The following IPO11 variants were observed in gnomAD, a reference collection of about 807,000 sequenced individuals.
IPO11 encodes importin-11.
IPO11 carries 66 observed loss-of-function variants against 143.2 expected under a neutral mutation model. The observed-to-expected ratio is 0.46, with a 90% CI of 0.38 to 0.57. The LOEUF (loss-of-function observed/expected upper bound fraction) is 0.57. Among genes scored for constraint, IPO11 ranks in the 20% least tolerant of loss-of-function variants. The pLI, the probability that IPO11 is intolerant of heterozygous loss-of-function variation, is 0.00. For synonymous variants in IPO11, 385 were observed against 377.8 expected, an observed-to-expected ratio of 1.02 and a Z score of -0.22; for missense variants, 1,026 against 1,141.0, an observed-to-expected ratio of 0.90 and a Z score of 1.45.
In IPO11 at chr5:62,484,022, A is replaced by G; in HGVS notation, c.1034A>G (p.Glu345Gly). 6.2e-7 allele frequency: 1 copy of G among 1,603,626 alleles called. No individual in the cohort carries two copies. Among genetic ancestry groups the G allele is most frequent in the Non-Finnish European group, 8.5e-7 (1 of 1,176,882 alleles). The change falls in exon 11 of 30, where the codon GAA becomes GGA. Residue 345 changes from glutamate to glycine, a missense_variant. This residue lies in a region of IPO11 where 429 missense variants were observed against 456.3 expected (regional missense o/e 0.94). Transcript: ENST00000325324. Reference sequence around the variant, plus strand: ...TTCATTTTTCTAGATAGCAGCCCTGAAACTCTTGAAGCCCATAAGATTAAG... The same window carrying G: ...TTCATTTTTCTAGATAGCAGCCCTGGAACTCTTGAAGCCCATAAGATTAAG... ...PSKNFEDSSPETLEAHKIKMA... is the reference protein window; with the variant it reads ...PSKNFEDSSPGTLEAHKIKMA...
intron 27 of IPO11, among the ~76,000 whole-genome samples, chr5:62,589,964 C>G (rs1744951388): frequency 6.6e-6 from 1 of 152,178 alleles, no homozygotes; most frequent in Non-Finnish European, 1.5e-5. Flanking sequence ...AGTGGAAGCC[C>G]TCTGAAAGCA....
At position 62,504,655 on chromosome 5, in the gene IPO11, A is replaced by G; in HGVS notation, c.1591-12A>G. On this transcript the variant is annotated splice_polypyrimidine_tract_variant and intron_variant, in intron 16 of 29. Transcript: ENST00000325324. ...TAAAATAATTAAAAACTAATGATAT[A>G]CTTTCTTTTAGGTCCGTATTGAAAC... 1 of 1,416,410 alleles carries G rather than the reference A, an allele frequency of 7.1e-7. No individual in the cohort carries two copies. The highest frequency in any genetic ancestry group is 1.3e-5 in the South Asian group (1 of 77,204). 87.7% of individuals were successfully genotyped at this position (1,416,410 alleles called of 1,614,324 possible).
intron 24 of IPO11, among the ~76,000 whole-genome samples, chr5:62,537,998 T>C (rs1580299434): frequency 6.6e-6 from 1 of 152,246 alleles, no homozygotes. Flanking sequence ...GTTGTGCACA[T>C]GTACCCTGGA....
intron 4 of IPO11, among the ~76,000 whole-genome samples, chr5:62,451,055 T>A (rs1444752099): frequency 6.6e-6 from 1 of 152,202 alleles, no homozygotes; most frequent in African/African-American, 2.4e-5. Context: ...GGGTTTGTGT[T>A]ACTGAGCAGT....
At chr5:62,416,182 C>CTTTT (rs869236693) in intron 1 of IPO11, among the ~76,000 whole-genome samples, 2 of 123,508 alleles carry the variant, frequency 1.6e-5, no homozygotes, top group Non-Finnish European at 3.3e-5. Context: ...TTTTTCTTTT[C>CTTTT]TTTTTTTTTT....
intron 1 of IPO11, among the ~76,000 whole-genome samples, chr5:62,416,827 C>A (rs1335302169): frequency 6.6e-6 from 1 of 151,538 alleles, no homozygotes; most frequent in Non-Finnish European, 1.5e-5. Flanking sequence ...CAGGCTCAAG[C>A]GATCCCTCCA....
chr5:62,598,431 T>C (rs1745331316), intron 28 of IPO11, among the ~76,000 whole-genome samples: 6 of 1,990 alleles, frequency 3.0e-3, no homozygotes, highest in African/African-American at 5.3e-3. Flanking sequence ...TTTCTTTCTT[T>C]CTCTCTCTCT....
chr5:62,452,524 T>C (rs759832589), intron 5 of IPO11, among the ~76,000 whole-genome samples: 1 of 150,968 alleles, frequency 6.6e-6, no homozygotes, highest in Non-Finnish European at 1.5e-5. Flanking sequence ...TAGGTGGGCA[T>C]AGAGTTGACA....
chr5:62,600,323 G>A (rs564834704), intron 28 of IPO11, among the ~76,000 whole-genome samples: 6 of 152,314 alleles, frequency 3.9e-5, no homozygotes, highest in Non-Finnish European at 7.3e-5. Context: ...TGGGATTACA[G>A]GTGTATGCCA....
chr5:62,419,450 C>T (rs766807063), intron 1 of IPO11, among the ~76,000 whole-genome samples: 1 of 152,132 alleles, frequency 6.6e-6, no homozygotes, highest in African/African-American at 2.4e-5. Context: ...TGTAGTTCTA[C>T]GTTGTTTAAA....
At chr5:62,417,947 T>TC (rs1214707309) in intron 1 of IPO11, among the ~76,000 whole-genome samples, 3 of 152,106 alleles carry the variant, frequency 2.0e-5, no homozygotes, top group African/African-American at 7.2e-5. Context: ...CCTCCAACTC[T>TC]CCAACTATCT....
intron 27 of IPO11, among the ~76,000 whole-genome samples, chr5:62,566,597 G>A (rs1743947186): frequency 6.6e-6 from 1 of 151,838 alleles, no homozygotes; most frequent in South Asian, 2.1e-4. Context: ...AACTAACTGG[G>A]TATGGTGGTG....
chr5:62,615,932 G>A (rs942249694), intron 29 of IPO11, among the ~76,000 whole-genome samples: 10 of 152,222 alleles, frequency 6.6e-5, no homozygotes, highest in African/African-American at 2.4e-4. Flanking sequence ...ACAAGTGACT[G>A]CAATCTGGTT....
At chr5:62,568,593 A>AAAAAATTC (rs1199624803) in intron 27 of IPO11, among the ~76,000 whole-genome samples, 2 of 150,874 alleles carry the variant, frequency 1.3e-5, no homozygotes, top group African/African-American at 4.9e-5. Flanking sequence ...AAAAAAAAAA[A>AAAAAATTC]AAAATTCAAT....
At chr5:62,415,464 CTTTTTTTTTT>C (rs67290766) in intron 1 of IPO11, among the ~76,000 whole-genome samples, 1 of 101,280 alleles carries the variant, frequency 9.9e-6, no homozygotes, top group African/African-American at 4.5e-5. Context: ...CCCGTCTTTA[CTTTTTTTTTT>C]TTTTTTTTTT....
chr5:62,498,025 T>G (rs3776631), intron 16 of IPO11, among the ~76,000 whole-genome samples: 4,332 of 151,604 alleles, frequency 0.029, 76 homozygotes, highest in African/African-American at 0.054. Context: ...ATTGTTTTTT[T>G]TTTTTGTTGT....
intron 21 of IPO11, among the ~76,000 whole-genome samples, chr5:62,529,855 C>G (rs2112311524): frequency 6.6e-6 from 1 of 152,018 alleles, no homozygotes; most frequent in Non-Finnish European, 1.5e-5. Context: ...CAATCACACA[C>G]TTCTCTGATA....
At chr5:62,527,062 A>T (rs1742393077) in intron 21 of IPO11, among the ~76,000 whole-genome samples, 1 of 152,232 alleles carries the variant, frequency 6.6e-6, no homozygotes, top group South Asian at 2.1e-4. Context: ...CAAATTATAA[A>T]TAATGATCTT....
intron 27 of IPO11, among the ~76,000 whole-genome samples, chr5:62,563,611 T>TAA (rs1743842933): frequency 6.6e-6 from 1 of 152,186 alleles, no homozygotes; most frequent in Non-Finnish European, 1.5e-5. Flanking sequence ...TGCATATATA[T>TAA]AACAAGATAT....
Sources: allele counts gnomAD v4.1 joint callset (sites outside exome capture counted in the v4.1 genomes callset), GRCh38; gene constraint gnomAD v4.1.1; regional missense constraint gnomAD v4.1.1; transcripts MANE v1.5; gene names NCBI Gene and HGNC (gene_info 2026-07-23, HGNC 2026-07-21).